The following DIXDC1 variants were observed in gnomAD, a reference collection of about 807,000 sequenced individuals.
DIXDC1 encodes dixin.
A neutral mutation model predicts 103.1 loss-of-function variants in DIXDC1; 64 were observed. That is an observed-to-expected ratio of 0.62 (90% CI 0.51 to 0.76). The LOEUF is 0.76. Ranked by LOEUF, DIXDC1 falls within the 30% of genes least tolerant of loss-of-function variation. The pLI, the probability that DIXDC1 is intolerant of heterozygous loss-of-function variation, is 0.00. For missense variants in DIXDC1, 759 were observed against 834.2 expected (o/e 0.91, Z 1.11); for synonymous variants, 266 against 298.5 (o/e 0.89, Z 1.12).
chr11:111,937,015 A>G (rs797030002), upstream of DIXDC1, among the ~76,000 whole-genome samples: 29 of 127,604 alleles, frequency 2.3e-4, no homozygotes, highest in Middle Eastern at 4.4e-3. Flanking sequence ...GTATGTGTGT[A>G]TGTGTGTGTG....
intron 7 of DIXDC1, among the ~76,000 whole-genome samples, chr11:111,983,140 C>T (rs1235269767): frequency 2.6e-5 from 4 of 152,150 alleles, no homozygotes; most frequent in Admixed American, 6.5e-5. Context: ...TTTGGGGGAG[C>T]GCTTATAGTG....
chr11:112,022,388 G>T lies in DIXDC1; in HGVS notation c.*3352G>T, dbSNP rs1325306898. The T allele has an allele frequency of 6.6e-6, 1 of 152,472 alleles. No homozygotes were observed. Among genetic ancestry groups the T allele is most frequent in the Non-Finnish European group, 1.5e-5 (1 of 68,030 alleles). 9.4% of individuals were successfully genotyped at this position (152,472 alleles called of 1,614,324 possible). A position where few individuals can be genotyped will look rare whatever the true frequency, so the allele number is the denominator to read the frequency against. On this transcript the variant is annotated 3_prime_UTR_variant, in exon 20 of 20. Transcript: ENST00000440460. The surrounding 1 kb of genome is among the most constrained non-coding windows in gnomAD (Gnocchi z 4.9). ...GTTATATTTTCTTAGAAACATGGAT[G>T]TTTACAGCCATTGCTTTCAAAGAGA...
intron 9 of DIXDC1, among the ~76,000 whole-genome samples, chr11:111,987,145 G>C (rs1019204088): frequency 6.6e-6 from 1 of 151,916 alleles, no homozygotes; most frequent in East Asian, 1.9e-4. Flanking sequence ...AGCTACTCGG[G>C]AGGCTGAGGC....
At chr11:111,936,131 C>T (rs1750625074), upstream of DIXDC1, among the ~76,000 whole-genome samples, 1 of 152,218 alleles carries the variant, frequency 6.6e-6, no homozygotes, top group Non-Finnish European at 1.5e-5. Flanking sequence ...GTGTAGACTC[C>T]TAGATCCTTG....
At chr11:112,013,244 C>T (rs1359171159) in intron 17 of DIXDC1, among the ~76,000 whole-genome samples, 1 of 141,968 alleles carries the variant, frequency 7.0e-6, no homozygotes, top group African/African-American at 2.7e-5. Flanking sequence ...TCTTAATTAC[C>T]TCCTTAAAGG....
Position 111,993,671 on chromosome 11 carries a change from G to A in DIXDC1, c.1368G>A (p.Val456=), listed in dbSNP as rs1555174877. 1 of 1,614,008 alleles carries A rather than the reference G, an allele frequency of 6.2e-7. No homozygotes were observed. The highest frequency in any genetic ancestry group is 1.1e-5 in the South Asian group (1 of 91,086). ...CTGATTTAGTGTCTATTTTGCAGGT[G>A]GATCTAGAGCGAGAGCTAGAACACA... ...RKLSDVSYHQ[V]DLERELEHKD... Residue 456 remains valine, a splice_region_variant and synonymous_variant, in exon 14 of 20, where the codon GTG becomes GTA. Transcript: ENST00000440460.
chr11:111,942,336 A>G (rs1375100452), intron 1 of DIXDC1, among the ~76,000 whole-genome samples: 1 of 152,216 alleles, frequency 6.6e-6, no homozygotes, highest in African/African-American at 2.4e-5. Context: ...GATCTAGGGA[A>G]CACTAGAAAG....
In DIXDC1 at chr11:111,974,928, C is replaced by T. The variant is rs782086728; in HGVS notation, c.601C>T (p.Leu201=). ...GAATCCATACTGGAGTGTGCGGGCC[C>T]TAGTGCAGCAGTACGAAGGGCAACA... ...IENPYWSVRA[L]VQQYEGQQRS... Residue 201 remains leucine, a synonymous_variant, in exon 5 of 20, where the codon CTA becomes TTA. Transcript: ENST00000440460. 2.5e-6 allele frequency: 4 copies of T among 1,613,534 alleles called. No homozygotes were observed. The highest frequency in any genetic ancestry group is 3.3e-5 in the Admixed American group (2 of 59,970).
At chr11:112,012,919 C>T (rs1555177342) in intron 17 of DIXDC1, among the ~76,000 whole-genome samples, 1 of 152,222 alleles carries the variant, frequency 6.6e-6, no homozygotes, top group Non-Finnish European at 1.5e-5. Context: ...CCCTGTGTAG[C>T]ATTTGACATC....
intron 2 of DIXDC1, among the ~76,000 whole-genome samples, chr11:111,964,944 G>T (rs1592571722): frequency 6.6e-6 from 1 of 152,142 alleles, no homozygotes; most frequent in East Asian, 1.9e-4. Flanking sequence ...TGGAAAGGCT[G>T]GAAAGTGAAG....
chr11:111,975,218 A>C (rs984798403), intron 5 of DIXDC1: 4 of 1,306,394 alleles, frequency 3.1e-6, no homozygotes, highest in Non-Finnish European at 2.9e-6. Context: ...TCCCAGTGCC[A>C]GTGCTTAACT....
At chr11:112,001,232 AT>A (rs1199895017) in intron 17 of DIXDC1, among the ~76,000 whole-genome samples, 1 of 152,202 alleles carries the variant, frequency 6.6e-6, no homozygotes, top group Non-Finnish European at 1.5e-5. Flanking sequence ...TTTATATAAA[AT>A]GTCCAGAATA....
intron 1 of DIXDC1, among the ~76,000 whole-genome samples, chr11:111,962,651 A>G (rs1406302730): frequency 6.6e-6 from 1 of 152,188 alleles, no homozygotes; most frequent in Non-Finnish European, 1.5e-5. Flanking sequence ...TTAAATGGCA[A>G]TTGGATTTTA....
chr11:111,982,341 G>C lies in DIXDC1; in HGVS notation c.772G>C (p.Gly258Arg), dbSNP rs782234482. The C allele has an allele frequency of 5.0e-6, 8 of 1,610,576 alleles. No homozygotes were observed. The highest frequency in any genetic ancestry group is 1.3e-5 in the African/African-American group (1 of 74,624). Residue 258 changes from glycine to arginine, a missense_variant and splice_region_variant, in exon 7 of 20, where the codon GGG becomes CGG. Physicochemically the swap from Gly to Arg is moderately radical, Grantham distance 125. This residue lies in a region of DIXDC1 where 657 missense variants were observed against 727.5 expected (regional missense o/e 0.90). Coordinates refer to ENST00000440460, the MANE Select transcript of DIXDC1 (RefSeq NM_001037954.4). ...PAEGIENRTE[G>R]TDSPLSRDWR... The stretch of plus-strand genomic sequence containing the variant: ...TACTCCCTCTTTTCATTTTTTAGAA[G>C]GGACAGATTCTCCATTATCTCGAGA...
rs782074175 is a variant in DIXDC1, at chr11:111,982,503, GTAGTTTGCCCTTGTTATACCAATTGAT to G, written c.918+19_918+45del. 3 of 1,610,942 alleles carry G rather than the reference GTAGTTTGCCCTTGTTATACCAATTGAT, an allele frequency of 1.9e-6. No individual in the cohort carries two copies. The highest frequency in any genetic ancestry group is 2.5e-6 in the Non-Finnish European group (3 of 1,178,660). ...AGGACTACAGGTAGCTCTCTCCCTT[GTAGTTTGCCCTTGTTATACCAATTGAT>G]TATTAAGTCAGTATTATCAATGGAA... On this transcript the variant is annotated intron_variant, in intron 7 of 19. Transcript: ENST00000440460.
intron 2 of DIXDC1, among the ~76,000 whole-genome samples, chr11:111,932,215 T>C (rs1392059214): frequency 1.3e-5 from 2 of 149,974 alleles, no homozygotes; most frequent in South Asian, 4.2e-4. Flanking sequence ...ATTTTTTATT[T>C]TGGTAGAGAT....
intron 1 of DIXDC1, among the ~76,000 whole-genome samples, chr11:111,941,837 TACACAC>T (rs10635444): frequency 1.6e-4 from 22 of 139,282 alleles, no homozygotes; most frequent in Middle Eastern, 3.8e-3. Flanking sequence ...CGAAACAAAA[TACACAC>T]ACACACACAC....
Position 111,937,447 on chromosome 11 carries a change from CG to C in DIXDC1, c.-51del. The C allele has an allele frequency of 6.5e-7, 1 of 1,547,848 alleles. No individual in the cohort carries two copies. Among genetic ancestry groups the C allele is most frequent in the Non-Finnish European group, 8.7e-7 (1 of 1,146,078 alleles). On this transcript the variant is annotated 5_prime_UTR_variant, in exon 1 of 20. Coordinates refer to ENST00000440460, the MANE Select transcript of DIXDC1 (RefSeq NM_001037954.4). ...TGTGTGCAGAGGGAGGAGGAGGAGG[CG>C]GCGGCGGCCGCCGGGCTGGAGACCC...
chr11:112,007,892 T>C (rs929236750), intron 17 of DIXDC1, among the ~76,000 whole-genome samples: 11 of 130,028 alleles, frequency 8.5e-5, no homozygotes, highest in African/African-American at 4.4e-4. Context: ...TGATGAAACT[T>C]GCATCAATTA....
Sources: allele counts gnomAD v4.1 joint callset (sites outside exome capture counted in the v4.1 genomes callset), GRCh38; gene constraint gnomAD v4.1.1; regional missense constraint gnomAD v4.1.1; non-coding constraint Gnocchi (gnomAD v3.1); transcripts MANE v1.5; gene names NCBI Gene and HGNC (gene_info 2026-07-23, HGNC 2026-07-21).